CCSER1: variants seen among roughly 807,000 people sequenced by gnomAD.
CCSER1 encodes serine-rich coiled-coil domain-containing protein 1.
In CCSER1, 41 loss-of-function variants were observed where a neutral mutation model predicts 82.0. That is an observed-to-expected ratio of 0.50 (90% CI 0.39 to 0.65). The LOEUF (loss-of-function observed/expected upper bound fraction) is 0.65. Ranked by LOEUF, CCSER1 falls within the 30% of genes least tolerant of loss-of-function variation. CCSER1 has a pLI of 0.00. For missense variants in CCSER1, 1,119 were observed against 1,064.2 expected, an observed-to-expected ratio of 1.05 and a Z score of -0.72; for synonymous variants, 414 against 383.9, an observed-to-expected ratio of 1.08 and a Z score of -0.92.
intron 5 of CCSER1, among the ~76,000 whole-genome samples, chr4:90,511,641 T>C (rs542818048): frequency 6.6e-6 from 1 of 152,328 alleles, no homozygotes; most frequent in East Asian, 1.9e-4. Flanking sequence ...ATAGGTGATA[T>C]AGAGCTCCTG....
chr4:91,072,253 A>C (rs564593292), intron 9 of CCSER1, among the ~76,000 whole-genome samples: 1 of 152,202 alleles, frequency 6.6e-6, no homozygotes, highest in Non-Finnish European at 1.5e-5. Context: ...GACACACTCT[A>C]TGAAATGTTA....
intron 1 of CCSER1, among the ~76,000 whole-genome samples, chr4:90,244,704 T>C (rs1050742420): frequency 6.6e-6 from 1 of 152,164 alleles, no homozygotes; most frequent in African/African-American, 2.4e-5. Flanking sequence ...CTCACTATTA[T>C]GAGAACAGCA....
chr4:90,685,527 A>G (rs1262070062), intron 6 of CCSER1, among the ~76,000 whole-genome samples: 1 of 152,154 alleles, frequency 6.6e-6, no homozygotes, highest in African/African-American at 2.4e-5. Flanking sequence ...ACCCATAGGC[A>G]TTTAAAAAAT....
chr4:91,476,918 A>G (rs1484795060), intron 10 of CCSER1, among the ~76,000 whole-genome samples: 1 of 151,704 alleles, frequency 6.6e-6, no homozygotes, highest in Non-Finnish European at 1.5e-5. Context: ...TAAAATCAAA[A>G]TGGATTAAAG....
intron 10 of CCSER1, among the ~76,000 whole-genome samples, chr4:91,205,682 A>C (rs1736286503): frequency 3.6e-5 from 5 of 138,126 alleles, no homozygotes; most frequent in East Asian, 2.1e-4. Flanking sequence ...CCCTCCCTTC[A>C]TTTTCTTTCC....
chr4:90,167,767 T>C (rs1730783249), intron 1 of CCSER1, among the ~76,000 whole-genome samples: 1 of 152,086 alleles, frequency 6.6e-6, no homozygotes, highest in African/African-American at 2.4e-5. Context: ...GAATGATGGT[T>C]TCCAGCTTCA....
intron 9 of CCSER1, among the ~76,000 whole-genome samples, chr4:91,035,583 T>A (rs1430576477): frequency 6.6e-6 from 1 of 152,118 alleles, no homozygotes; most frequent in Non-Finnish European, 1.5e-5. Flanking sequence ...CTCTTTTTAT[T>A]TACAGATTTC....
intron 6 of CCSER1, among the ~76,000 whole-genome samples, chr4:90,648,315 AAG>A (rs1267254077): frequency 6.6e-6 from 1 of 151,370 alleles, no homozygotes; most frequent in African/African-American, 2.4e-5. Context: ...GAAAGAAAGA[AAG>A]AAAGAAAGAA....
intron 7 of CCSER1, among the ~76,000 whole-genome samples, chr4:90,810,534 A>C (rs1039650389): frequency 1.3e-5 from 2 of 151,922 alleles, no homozygotes; most frequent in Non-Finnish European, 2.9e-5. Flanking sequence ...CTGTAATCCC[A>C]GCTACTCGGG....
intron 5 of CCSER1, among the ~76,000 whole-genome samples, chr4:90,602,271 T>A (rs1784119004): frequency 6.6e-6 from 1 of 152,172 alleles, no homozygotes; most frequent in South Asian, 2.1e-4. Flanking sequence ...TGGAATAAAT[T>A]TCTTTATACC....
chr4:91,121,663 T>C (rs1727101233), intron 10 of CCSER1, among the ~76,000 whole-genome samples: 1 of 151,630 alleles, frequency 6.6e-6, no homozygotes, highest in Non-Finnish European at 1.5e-5. Context: ...TGGGCCAAAA[T>C]ATTATTTATT....
chr4:91,545,924 T>A (rs986120886), intron 10 of CCSER1, among the ~76,000 whole-genome samples: 1 of 152,176 alleles, frequency 6.6e-6, no homozygotes, highest in East Asian at 1.9e-4. Flanking sequence ...GTAGGTTTTA[T>A]TGTAGATGTT....
chr4:90,157,126 C>G (rs1372011703), intron 1 of CCSER1, among the ~76,000 whole-genome samples: 33 of 152,242 alleles, frequency 2.2e-4, no homozygotes, highest in Non-Finnish European at 4.6e-4. Flanking sequence ...TTCTCCCTCA[C>G]TTATGAAACT....
intron 5 of CCSER1, among the ~76,000 whole-genome samples, chr4:90,480,000 C>A (rs371981090): frequency 0.016 from 2,421 of 152,180 alleles, 38 homozygotes; most frequent in African/African-American, 0.047. Flanking sequence ...CCAACAGTGT[C>A]AAAGTGTTCC....
chr4:90,467,871 T>G (rs1178868388), intron 4 of CCSER1, among the ~76,000 whole-genome samples: 1 of 152,188 alleles, frequency 6.6e-6, no homozygotes, highest in Non-Finnish European at 1.5e-5. Flanking sequence ...GTGCTGGTGA[T>G]GCACTGTTTA....
chr4:90,277,791 C>A (rs1435313865), intron 1 of CCSER1, among the ~76,000 whole-genome samples: 2 of 151,962 alleles, frequency 1.3e-5, no homozygotes, highest in Admixed American at 1.3e-4. Context: ...ATGACTAAGT[C>A]CTCAAAAGGC....
intron 10 of CCSER1, among the ~76,000 whole-genome samples, chr4:91,116,126 A>G (rs904276365): frequency 1.3e-5 from 2 of 151,900 alleles, no homozygotes; most frequent in African/African-American, 2.4e-5. Context: ...TGCCCTTGCG[A>G]CAGTTTGCTG....
intron 10 of CCSER1, among the ~76,000 whole-genome samples, chr4:91,269,249 G>A (rs1464011124): frequency 3.3e-5 from 5 of 152,212 alleles, no homozygotes; most frequent in Middle Eastern, 6.8e-3. Flanking sequence ...TTTAATTAAG[G>A]GTTAATATAA....
At chr4:91,060,621 T>G (rs1038640856) in intron 9 of CCSER1, among the ~76,000 whole-genome samples, 1 of 152,192 alleles carries the variant, frequency 6.6e-6, no homozygotes, top group South Asian at 2.1e-4. Context: ...TCTTGTCTTT[T>G]ATATTGCACT....
Sources: gnomAD v4.1 joint callset for allele counts (sites outside exome capture counted in the v4.1 genomes callset) on GRCh38, gnomAD v4.1.1 for gene constraint, MANE v1.5 for transcripts, NCBI Gene and HGNC (gene_info 2026-07-23, HGNC 2026-07-21) for gene names.